The following RIOK3 variants were observed in gnomAD, a reference collection of about 807,000 sequenced individuals.
The protein encoded by RIOK3 is RIO kinase 3.
RIOK3 carries 40 observed loss-of-function variants against 63.5 expected under a neutral mutation model. That is an observed-to-expected ratio of 0.63 (90% CI 0.49 to 0.82). The LOEUF is 0.82. Ranked by LOEUF, RIOK3 falls within the 40% of genes least tolerant of loss-of-function variation. The pLI is 0.00. For synonymous variants in RIOK3, 193 were observed against 205.0 expected, an observed-to-expected ratio of 0.94 and a Z score of 0.50; for missense variants, 557 against 637.0, an observed-to-expected ratio of 0.87 and a Z score of 1.35.
In RIOK3 at chr18:23,475,096, C is replaced by G. The variant is rs1465499251; in HGVS notation, c.1162C>G (p.Gln388Glu). ...NSEEMKEAYY[Q>E]TLHLMRQLYH... ...TGAAGAAATGAAAGAAGCCTACTAT[C>G]AAACTCTTCATGTAAGTTGTGCTTT... The change falls in exon 9 of 13, where the codon CAA becomes GAA. Residue 388 changes from glutamine (Q) to glutamate (E), a missense_variant. By Grantham distance (29) the Gln-to-Glu change is conservative. Coordinates refer to ENST00000339486, the MANE Select transcript of RIOK3 (RefSeq NM_003831.5). 1.2e-6 allele frequency: 2 copies of G among 1,609,888 alleles called. No homozygotes were observed. Among genetic ancestry groups the G allele is most frequent in the African/African-American group, 2.7e-5 (2 of 74,612 alleles).
chr18:23,463,063 G>A lies in RIOK3; in HGVS notation c.163G>A (p.Val55Ile), dbSNP rs138447722. Residue 55 changes from valine (V) to isoleucine (I), a missense_variant, in exon 2 of 13, where the codon GTT becomes ATT. Val to Ile is a conservative substitution (Grantham distance 29). Transcript: ENST00000339486. ...ATTGCAGTTAGAAGAAGAAGCTGCC[G>A]TTTTTCCTGAAGTTGCGTAAGTAAA... is the stretch of plus-strand genomic sequence containing the variant. ...KELQLEEEAAVFPEVAVAEGP... is the reference protein window; with the variant it reads ...KELQLEEEAAIFPEVAVAEGP... 113 of 1,606,808 alleles carry A rather than the reference G, an allele frequency of 7.0e-5. No individual in the cohort carries two copies. Among genetic ancestry groups the A allele is most frequent in the African/African-American group, 5.8e-4 (43 of 74,588 alleles).
intron 1 of RIOK3, among the ~76,000 whole-genome samples, chr18:23,457,151 G>A (rs1381245384): frequency 6.6e-6 from 1 of 152,122 alleles, no homozygotes; most frequent in Non-Finnish European, 1.5e-5. Context: ...CTCTGAATGG[G>A]TGTTGGGGAT....
intron 1 of RIOK3, among the ~76,000 whole-genome samples, chr18:23,455,869 C>G (rs2057337544): frequency 6.6e-6 from 1 of 152,134 alleles, no homozygotes; most frequent in African/African-American, 2.4e-5. Context: ...ATGATCTCAG[C>G]TCACTGCAAC....
chr18:23,480,072 A>G (rs1393995279), intron 12 of RIOK3, among the ~76,000 whole-genome samples: 3 of 152,230 alleles, frequency 2.0e-5, no homozygotes, highest in African/African-American at 7.2e-5. Flanking sequence ...TACTAAACAT[A>G]GAAAGTTAGA....
chr18:23,470,961 T>C (rs2057452525), intron 7 of RIOK3, among the ~76,000 whole-genome samples: 1 of 152,166 alleles, frequency 6.6e-6, no homozygotes, highest in African/African-American at 2.4e-5. Flanking sequence ...CATAATGTCT[T>C]TTAAGTTATT....
chr18:23,469,461 T>TCCC (rs2057440935), intron 7 of RIOK3, among the ~76,000 whole-genome samples: 1 of 147,476 alleles, frequency 6.8e-6, no homozygotes, highest in African/African-American at 2.5e-5. Context: ...TCTCTCTCTT[T>TCCC]TTCTTTCTTT....
chr18:23,471,899 G>A (rs186293133), intron 7 of RIOK3, among the ~76,000 whole-genome samples: 1 of 152,222 alleles, frequency 6.6e-6, no homozygotes, highest in East Asian at 1.9e-4. Flanking sequence ...TGGATAAATG[G>A]GCCTGAAGTT....
At position 23,468,599 on chromosome 18, in the gene RIOK3, G is replaced by A. The variant is rs150039916; in HGVS notation, c.815+1073G>A. ...ATTACAGGCGTGAGCCACTGCGCCT[G>A]GCCTGGTATACTTAATATACTCTAA... On this transcript the variant is annotated intron_variant, in intron 7 of 12. Coordinates refer to ENST00000339486, the MANE Select transcript of RIOK3 (RefSeq NM_003831.5). Among the ~76,000 whole-genome samples the A allele has an allele frequency of 7.8e-4, 118 of 152,088 alleles. No homozygotes were observed. The East Asian group carries it at 0.013, about 17-fold the overall frequency.
chr18:23,470,181 G>A (rs1425883971), intron 7 of RIOK3, among the ~76,000 whole-genome samples: 2 of 152,034 alleles, frequency 1.3e-5, no homozygotes, highest in African/African-American at 2.4e-5. Context: ...TGGTTAACAC[G>A]GTGAAACTCC....
At chr18:23,477,414 A>G (rs2057499095) in intron 11 of RIOK3, 146 bp downstream of exon 11, 2 of 669,632 alleles carry the variant, frequency 3.0e-6, no homozygotes, top group South Asian at 3.4e-5. Flanking sequence ...TATAAAGATC[A>G]ATTTGTCATA....
chr18:23,459,996 A>C (rs2057364554), intron 1 of RIOK3, among the ~76,000 whole-genome samples: 1 of 152,228 alleles, frequency 6.6e-6, no homozygotes, highest in African/African-American at 2.4e-5. Context: ...ACACGGCCTG[A>C]GTATGCCATC....
At chr18:23,469,350 C>T (rs1338281161) in intron 7 of RIOK3, among the ~76,000 whole-genome samples, 561 of 3,724 alleles carry the variant, frequency 0.15, 15 homozygotes, top group Non-Finnish European at 0.18. Context: ...CCTCTCTCCC[C>T]CTCTCTCCCT....
chr18:23,456,484 TTAACA>T (rs1433255832), intron 1 of RIOK3: 1 of 152,138 alleles, frequency 6.6e-6, no homozygotes, highest in Non-Finnish European at 1.5e-5. Context: ...AAGTCATATG[TTAACA>T]TAAATAACAT....
intron 7 of RIOK3, among the ~76,000 whole-genome samples, chr18:23,473,122 G>A (rs1473423231): frequency 2.0e-5 from 3 of 152,204 alleles, no homozygotes; most frequent in Non-Finnish European, 4.4e-5. Flanking sequence ...TGGGAAGACT[G>A]TAGCCTATTT....
At chr18:23,475,261 G>A (rs185464995) in intron 9 of RIOK3, among the ~76,000 whole-genome samples, 154 bp downstream of exon 9, 80 of 152,192 alleles carry the variant, frequency 5.3e-4, no homozygotes, top group African/African-American at 1.9e-3. Context: ...TTGAGCCCAG[G>A]AGTTTGAGAC....
chr18:23,472,572 T>C (rs116488296), intron 7 of RIOK3, among the ~76,000 whole-genome samples: 1,993 of 152,306 alleles, frequency 0.013, 35 homozygotes, highest in African/African-American at 0.046. Context: ...ACTATTGCAG[T>C]AGCATCCTGA....
At chr18:23,461,390 A>G (rs184191965) in intron 1 of RIOK3, among the ~76,000 whole-genome samples, 226 of 152,350 alleles carry the variant, frequency 1.5e-3, no homozygotes, top group Admixed American at 3.5e-3. Flanking sequence ...TCACATCTGC[A>G]TTTTAGAACA....
intron 1 of RIOK3, among the ~76,000 whole-genome samples, chr18:23,457,673 A>G (rs2057349587): frequency 6.6e-6 from 1 of 152,218 alleles, no homozygotes; most frequent in Admixed American, 6.5e-5. Flanking sequence ...AAAACCAAAA[A>G]AATTTTAAAA....
At chr18:23,458,248 A>T (rs1198584157) in intron 1 of RIOK3, among the ~76,000 whole-genome samples, 1 of 151,942 alleles carries the variant, frequency 6.6e-6, no homozygotes, top group Non-Finnish European at 1.5e-5. Flanking sequence ...AATTGTCTGC[A>T]GGAAACCTTT....
Sources: allele counts gnomAD v4.1 joint callset (sites outside exome capture counted in the v4.1 genomes callset), GRCh38; gene constraint gnomAD v4.1.1; transcripts MANE v1.5; gene names NCBI Gene and HGNC (gene_info 2026-07-23, HGNC 2026-07-21).